REXO5: variants seen among roughly 807,000 people sequenced by gnomAD.
The protein encoded by REXO5 is RNA exonuclease 5.
Under a neutral mutation model 88.5 loss-of-function variants are expected in REXO5, and 48 were observed. That is an observed-to-expected ratio of 0.54 (90% confidence interval 0.43 to 0.69). The LOEUF (loss-of-function observed/expected upper bound fraction) is 0.69. REXO5 is among the 30% of genes least tolerant of loss of function. REXO5 has a pLI of 0.00. For missense variants in REXO5, 749 were observed against 912.2 expected, an observed-to-expected ratio of 0.82 and a Z score of 2.30; for synonymous variants, 311 against 336.5, an observed-to-expected ratio of 0.92 and a Z score of 0.83.
intron 6 of REXO5, among the ~76,000 whole-genome samples, chr16:20,822,935 A>G (rs2081206512): frequency 6.6e-6 from 1 of 152,042 alleles, no homozygotes; most frequent in Admixed American, 6.6e-5. Context: ...TCATGTGACA[A>G]CTCTGTGTTT....
At chr16:20,814,093 T>G (rs958310757) in intron 3 of REXO5, among the ~76,000 whole-genome samples, 2 of 152,106 alleles carry the variant, frequency 1.3e-5, no homozygotes, top group Non-Finnish European at 2.9e-5. Context: ...AAAACTGTTT[T>G]TTTTTTTTTT....
intron 11 of REXO5, among the ~76,000 whole-genome samples, chr16:20,830,916 T>C (rs1407380449): frequency 6.6e-6 from 1 of 151,586 alleles, no homozygotes; most frequent in Non-Finnish European, 1.5e-5. Flanking sequence ...AGAAATTAAA[T>C]AAATTTTTAA....
chr16:20,834,525 C>A (rs1478451886), intron 13 of REXO5, among the ~76,000 whole-genome samples: 1 of 152,024 alleles, frequency 6.6e-6, no homozygotes, highest in Admixed American at 6.6e-5. Context: ...AAAATGTTGA[C>A]CATTATTTCT....
intron 10 of REXO5, among the ~76,000 whole-genome samples, chr16:20,827,879 A>G (rs2081282566): frequency 6.6e-6 from 1 of 152,210 alleles, no homozygotes; most frequent in African/African-American, 2.4e-5. Flanking sequence ...TTTGTTGTTC[A>G]GAAGAATATG....
intron 8 of REXO5, 75 bp from the exon 9 acceptor site, chr16:20,826,983 A>G: frequency 6.8e-7 from 1 of 1,465,372 alleles, no homozygotes; most frequent in Admixed American, 2.0e-5. Context: ...AAAAAATGTT[A>G]TTTTTAAAAT....
At chr16:20,828,597 A>G in intron 11 of REXO5, 60 bp downstream of exon 11, 8 of 1,133,514 alleles carry the variant, frequency 7.1e-6, no homozygotes, top group South Asian at 1.2e-5. Context: ...AGATCAGATT[A>G]TCACAGACTA....
chr16:20,841,936 A>G (rs1016732982), intron 15 of REXO5, among the ~76,000 whole-genome samples: 11 of 152,350 alleles, frequency 7.2e-5, no homozygotes, highest in Middle Eastern at 3.4e-3. Flanking sequence ...ACTAAAAATA[A>G]AAATACAAAG....
At position 20,828,554 on chromosome 16, in the gene REXO5, A is replaced by G; in HGVS notation, c.1158+17A>G. ...CCAAAAAAGGTTAGTATCTTTGCCCAGTGTGTTCACCTTTTCTTAAAATCA... is the reference window on the plus strand; with the variant it reads ...CCAAAAAAGGTTAGTATCTTTGCCCGGTGTGTTCACCTTTTCTTAAAATCA... On this transcript the variant is annotated intron_variant, in intron 11 of 19. Coordinates refer to ENST00000261377, the MANE Select transcript of REXO5 (RefSeq NM_030941.3). 6.6e-7 allele frequency: 1 copy of G among 1,514,516 alleles called. No individual in the cohort carries two copies. Among genetic ancestry groups the G allele is most frequent in the Non-Finnish European group, 9.2e-7 (1 of 1,089,600 alleles). The allele number at this position is 1,514,516 out of a possible 1,614,324, so 93.8% of individuals were successfully genotyped here. A position where few individuals can be genotyped will look rare whatever the true frequency, so the allele number is the denominator to read the frequency against.
intron 11 of REXO5, among the ~76,000 whole-genome samples, chr16:20,829,618 A>G (rs1367731597): frequency 1.3e-5 from 2 of 152,200 alleles, no homozygotes; most frequent in Non-Finnish European, 2.9e-5. Flanking sequence ...GAGCATATAG[A>G]TAATAATAGC....
intron 11 of REXO5, among the ~76,000 whole-genome samples, chr16:20,829,871 T>C (rs564854219): frequency 5.3e-5 from 8 of 152,364 alleles, no homozygotes; most frequent in East Asian, 1.9e-4. Context: ...TAGCAAACTT[T>C]TTCTGTAAAG....
chr16:20,846,641 A>C (rs868249108), intron 19 of REXO5, among the ~76,000 whole-genome samples: 1 of 152,226 alleles, frequency 6.6e-6, no homozygotes, highest in African/African-American at 2.4e-5. Flanking sequence ...TAAAAAAAGT[A>C]AAGTCTCAGA....
At chr16:20,846,399 G>A in intron 19 of REXO5, 60 bp downstream of exon 19, 2 of 1,293,334 alleles carry the variant, frequency 1.5e-6, no homozygotes, top group Admixed American at 1.8e-5. Flanking sequence ...GCTGTTCTTA[G>A]AGAAAAAGCC....
chr16:20,843,815 C>T, intron 15 of REXO5, 119 bp from the exon 16 acceptor site: 1 of 629,444 alleles, frequency 1.6e-6, no homozygotes, highest in Non-Finnish European at 2.8e-6. Context: ...TGTAGCCCAG[C>T]ACAGTAAAGG....
chr16:20,809,900 A>G (rs770751322), intron 2 of REXO5, among the ~76,000 whole-genome samples: 4 of 152,180 alleles, frequency 2.6e-5, no homozygotes, highest in Non-Finnish European at 5.9e-5. Flanking sequence ...CTTTGGGCTT[A>G]TGCATTTACT....
At chr16:20,825,605 A>G in intron 7 of REXO5, 1 of 471,434 alleles carries the variant, frequency 2.1e-6, no homozygotes, top group Non-Finnish European at 3.8e-6. Flanking sequence ...TATTATTTGC[A>G]TTCATCTTCT....
At chr16:20,828,087 A>G (rs2081285373) in intron 10 of REXO5, among the ~76,000 whole-genome samples, 1 of 152,226 alleles carries the variant, frequency 6.6e-6, no homozygotes, top group African/African-American at 2.4e-5. Flanking sequence ...ATACAAATAA[A>G]AAAGTTTCAG....
chr16:20,815,199 T>A, intron 4 of REXO5, 146 bp downstream of exon 4: 1 of 724,724 alleles, frequency 1.4e-6, no homozygotes, highest in Non-Finnish European at 2.1e-6. Context: ...AGGCCTCATG[T>A]AGATTTGTCT....
At chr16:20,807,141 C>G in intron 2 of REXO5, 50 bp downstream of exon 2, 1 of 1,553,722 alleles carries the variant, frequency 6.4e-7, no homozygotes, top group Non-Finnish European at 8.7e-7. Context: ...TTGGAGCTCC[C>G]GGACCCTCGC....
chr16:20,807,584 A>AG (rs1491567926), intron 2 of REXO5, among the ~76,000 whole-genome samples: 2 of 132,944 alleles, frequency 1.5e-5, no homozygotes, highest in East Asian at 4.6e-4. Flanking sequence ...ATCACGTCTC[A>AG]GAAAAAAAAA....
Sources: allele counts gnomAD v4.1 joint callset (sites outside exome capture counted in the v4.1 genomes callset), GRCh38; gene constraint gnomAD v4.1.1; transcripts MANE v1.5; gene names NCBI Gene and HGNC (gene_info 2026-07-23, HGNC 2026-07-21).